The following KIAA2012 variants were observed in gnomAD, a reference collection of about 807,000 sequenced individuals.
KIAA2012 encodes the protein uncharacterized protein KIAA2012.
A neutral mutation model predicts 150.6 loss-of-function variants in KIAA2012; 125 were observed. That is an observed-to-expected ratio of 0.83 (90% confidence interval 0.72 to 0.96). The LOEUF (loss-of-function observed/expected upper bound fraction) is 0.96. Ranked by LOEUF, KIAA2012 falls within the 40% of genes least tolerant of loss-of-function variation. KIAA2012 has a pLI of 0.00. For missense variants in KIAA2012, 1,219 were observed against 1,354.9 expected (o/e 0.90, Z 1.57); for synonymous variants, 462 against 504.7 (o/e 0.92, Z 1.13).
At chr2:202,155,357 A>G (rs1450463828) in intron 14 of KIAA2012, among the ~76,000 whole-genome samples, 1 of 152,102 alleles carries the variant, frequency 6.6e-6, no homozygotes, top group East Asian at 1.9e-4. Context: ...CATCTTTGCA[A>G]TACTCCCTCC....
intron 11 of KIAA2012, among the ~76,000 whole-genome samples, chr2:202,120,052 C>T (rs1690621583): frequency 6.6e-6 from 1 of 152,200 alleles, no homozygotes; most frequent in Non-Finnish European, 1.5e-5. Flanking sequence ...ACTTACTCCT[C>T]CTTGCCTTTT....
chr2:202,093,988 A>G (rs1689799860), intron 4 of KIAA2012, among the ~76,000 whole-genome samples: 1 of 152,258 alleles, frequency 6.6e-6, no homozygotes, highest in African/African-American at 2.4e-5. Context: ...CAAGAGCCCA[A>G]CATAAGATTT....
rs950943400 is a variant in KIAA2012 at position 202,190,438 on chromosome 2, C to G, written c.2756C>G (p.Thr919Ser). Reference sequence around the variant, plus strand: ...AGATCATCACCCTCTCAGATTGCAACTGTCACTGGCAACATGGAATCTAAA... The same window carrying G: ...AGATCATCACCCTCTCAGATTGCAAGTGTCACTGGCAACATGGAATCTAAA... ...DGRSSPSQIA[T>S]VTGNMESKEE... The change falls in exon 19 of 24, where the codon ACT becomes AGT. Residue 919 changes from threonine (T) to serine (S), a missense_variant. Thr to Ser is a moderately conservative substitution (Grantham distance 58). Transcript: ENST00000498697. 7.1e-6 allele frequency: 11 copies of G among 1,547,694 alleles called. No individual in the cohort carries two copies. The highest frequency in any genetic ancestry group is 1.7e-4 in the Middle Eastern group (1 of 6,000).
intron 13 of KIAA2012, among the ~76,000 whole-genome samples, chr2:202,151,923 G>C (rs1691437649): frequency 6.6e-6 from 1 of 151,928 alleles, no homozygotes; most frequent in Admixed American, 6.6e-5. Flanking sequence ...ACCACACCCA[G>C]CTAATTTTCT....
In KIAA2012 at chr2:202,106,121, C is replaced by T. The variant is rs1271903864; in HGVS notation, c.1474+211C>T. On this transcript the variant is annotated intron_variant, in intron 9 of 23. Transcript: ENST00000498697. ...CAGTGTCCAGCTCACCAGTTACTTA[C>T]TCCCTAACTCATCCCACTGCTAATA... is the stretch of plus-strand genomic sequence containing the variant. 4 of 1,359,134 alleles carry T rather than the reference C, an allele frequency of 2.9e-6. No individual in the cohort carries two copies. In the South Asian group the frequency reaches 4.4e-5, roughly 15 times the overall value. The allele number at this position is 1,359,134 out of a possible 1,614,324, so 84.2% of individuals were successfully genotyped here. A position where few individuals can be genotyped will look rare whatever the true frequency, so the allele number is the denominator to read the frequency against.
At chr2:202,204,524 A>C (rs1486666159) in intron 23 of KIAA2012, among the ~76,000 whole-genome samples, 12 of 152,216 alleles carry the variant, frequency 7.9e-5, no homozygotes, top group Admixed American at 7.2e-4. Flanking sequence ...ATTTTTTCAC[A>C]AATTTCTTTT....
chr2:202,154,954 G>A lies in KIAA2012; in HGVS notation c.2046+144G>A, dbSNP rs1691494199. On this transcript the variant is annotated intron_variant, in intron 14 of 23. Transcript: ENST00000498697. ...AGAAGGGACAGAAAATAGGCAGTTT[G>A]TAGCAGATGAAGAAAGAACAAATTA... 5 of 968,038 alleles carry A rather than the reference G, an allele frequency of 5.2e-6. No individual in the cohort carries two copies. In the East Asian group the frequency reaches 1.4e-4, roughly 27 times the overall value. 60.0% of individuals were successfully genotyped at this position (968,038 alleles called of 1,614,324 possible).
In KIAA2012 at chr2:202,158,151, T is replaced by C. The variant is rs566711088; in HGVS notation, c.2046+3341T>C. On this transcript the variant is annotated intron_variant, in intron 14 of 23. Transcript: ENST00000498697. The stretch of plus-strand genomic sequence containing the variant: ...CTGGGACTACAGGCGCCCGCCACCA[T>C]GCCAGGCTAATTTTTTGTATTTTTA... Among the ~76,000 whole-genome samples the C allele has an allele frequency of 1.2e-3, 184 of 152,224 alleles. 1 individual carries two copies. Among genetic ancestry groups the C allele is most frequent in the Admixed American group, 2.2e-3 (33 of 15,290 alleles).
At chr2:202,119,424 G>T (rs1690606452) in intron 11 of KIAA2012, among the ~76,000 whole-genome samples, 1 of 152,106 alleles carries the variant, frequency 6.6e-6, no homozygotes, top group African/African-American at 2.4e-5. Context: ...GTGAAGTTAT[G>T]AATTCTACCT....
rs1014244573 is a variant in KIAA2012, at chr2:202,104,237, T to C, written c.1324+1123T>C. On this transcript the variant is annotated intron_variant, in intron 8 of 23. Transcript: ENST00000498697. The surrounding 1 kb of genome is among the most constrained non-coding windows in gnomAD (Gnocchi z 4.3). The stretch of plus-strand genomic sequence containing the variant: ...TGCACTTAAGATCTGTGCGATTCAC[T>C]CTATGTAGATTTTACCTTGCCAAAA... Among the ~76,000 whole-genome samples the C allele has an allele frequency of 6.6e-6, 1 of 152,146 alleles. No homozygotes were observed. Among genetic ancestry groups the C allele is most frequent in the Non-Finnish European group, 1.5e-5 (1 of 68,034 alleles).
intron 14 of KIAA2012, 118 bp downstream of exon 14, chr2:202,154,928 C>A: frequency 8.5e-7 from 1 of 1,172,686 alleles, no homozygotes; most frequent in Non-Finnish European, 1.2e-6. Context: ...CCTGCATTAT[C>A]AGAAGGGACA....
chr2:202,186,854 C>T (rs1189477335), intron 16 of KIAA2012, 79 bp from the exon 17 acceptor site: 5 of 1,418,764 alleles, frequency 3.5e-6, no homozygotes, highest in Admixed American at 4.4e-5. Flanking sequence ...AACAGGTGCT[C>T]GATGTTGGCT....
Position 202,109,802 on chromosome 2 carries a change from A to T in KIAA2012, c.1651+13A>T. 1 of 1,528,986 alleles carries T rather than the reference A, an allele frequency of 6.5e-7. No homozygotes were observed. 94.7% of individuals were successfully genotyped at this position (1,528,986 alleles called of 1,614,324 possible). ...CCAGCAGCTCAAGGTAATCATTCCCAGAGTGCATAGACGCCCCCCACTGGC... is the reference window on the plus strand; with the variant it reads ...CCAGCAGCTCAAGGTAATCATTCCCTGAGTGCATAGACGCCCCCCACTGGC... On this transcript the variant is annotated intron_variant, in intron 10 of 23. Transcript: ENST00000498697.
intron 14 of KIAA2012, among the ~76,000 whole-genome samples, chr2:202,158,515 C>T (rs1691582191): frequency 6.6e-6 from 1 of 152,096 alleles, no homozygotes; most frequent in Non-Finnish European, 1.5e-5. Context: ...ATGTGAACTT[C>T]TCACATTTTA....
chr2:202,154,716 A>G lies in KIAA2012; in HGVS notation c.1952A>G (p.Glu651Gly), dbSNP rs564224045. The G allele has an allele frequency of 2.3e-5, 35 of 1,549,836 alleles. No individual in the cohort carries two copies. The South Asian group carries it at 3.8e-4, about 17-fold the overall frequency. The part of the protein sequence containing the change: ...SLEAAAQKTG[E>G]PQSCINKALI... ...GAGGCAGCAGCTCAGAAGACAGGAG[A>G]GCCTCAAAGTTGTATAAATAAAGCG... Residue 651 changes from glutamate (E) to glycine (G), a missense_variant, in exon 14 of 24, where the codon GAG becomes GGG. Glu to Gly is a moderately conservative substitution (Grantham distance 98). Transcript: ENST00000498697.
intron 15 of KIAA2012, among the ~76,000 whole-genome samples, chr2:202,174,934 A>T (rs908826398): frequency 3.9e-5 from 6 of 152,212 alleles, no homozygotes; most frequent in Admixed American, 1.3e-4. Context: ...CCATTATTAC[A>T]CCCAAAATTT....
intron 11 of KIAA2012, chr2:202,115,795 C>T (rs564475674): frequency 6.7e-6 from 1 of 150,150 alleles, no homozygotes; most frequent in Non-Finnish European, 1.5e-5. Flanking sequence ...TACGATCCAT[C>T]TGATCTTTCT....
intron 21 of KIAA2012, among the ~76,000 whole-genome samples, chr2:202,195,704 T>G (rs534967137): frequency 2.4e-4 from 36 of 152,226 alleles, no homozygotes; most frequent in African/African-American, 8.4e-4. Context: ...CTTCCCTGCC[T>G]CTAGTAACCA....
At chr2:202,154,624 A>G (rs780935229) in intron 13 of KIAA2012, 49 bp from the exon 14 acceptor site, 43 of 1,478,710 alleles carry the variant, frequency 2.9e-5, no homozygotes, top group Non-Finnish European at 3.8e-5. Flanking sequence ...CTCTTGTTGC[A>G]CTGTATATCA....
Sources: allele counts gnomAD v4.1 joint callset (sites outside exome capture counted in the v4.1 genomes callset), GRCh38; gene constraint gnomAD v4.1.1; non-coding constraint Gnocchi (gnomAD v3.1); transcripts MANE v1.5; gene names NCBI Gene and HGNC (gene_info 2026-07-23, HGNC 2026-07-21).